Variants in TMTC2 observed in about 807,000 individuals in gnomAD.
TMTC2 encodes the protein protein O-mannosyl-transferase TMTC2.
In TMTC2, 43 loss-of-function variants were observed where a neutral mutation model predicts 82.4. The ratio of observed to expected loss-of-function variants is 0.52; its 90% CI spans 0.41 to 0.67. The LOEUF is 0.67. Among genes scored for constraint, TMTC2 ranks in the 30% least tolerant of loss-of-function variants. The probability of loss-of-function intolerance (pLI) is 0.00; values close to 1 mark genes in which losing one functional copy is unlikely to be tolerated. For missense variants in TMTC2, 919 were observed against 1,012.4 expected, an observed-to-expected ratio of 0.91 and a Z score of 1.25; for synonymous variants, 408 against 381.9, an observed-to-expected ratio of 1.07 and a Z score of -0.80.
At chr12:82,721,645 C>T (rs1306191497) in intron 1 of TMTC2, among the ~76,000 whole-genome samples, 2 of 152,022 alleles carry the variant, frequency 1.3e-5, no homozygotes, top group African/African-American at 4.8e-5. Flanking sequence ...TTAGCAAACT[C>T]CTTGACAAAA....
rs190870718 is a variant in TMTC2 at position 82,775,626 on chromosome 12, A to G, written c.84-81384A>G. 1.9e-3 allele frequency among the ~76,000 whole-genome samples: 282 copies of G among 152,300 alleles called. 1 individual carries two copies. Among genetic ancestry groups the G allele is most frequent in the Middle Eastern group, 3.4e-3 (1 of 294 alleles). On this transcript the variant is annotated intron_variant, in intron 1 of 11. Transcript: ENST00000321196. ...AAATACATAGAGTTCTAAGTAATGA[A>G]TAATGGTCACTGAAATTTTTCACAG...
chr12:82,976,135 A>G (rs942644070), intron 7 of TMTC2, among the ~76,000 whole-genome samples: 1 of 152,160 alleles, frequency 6.6e-6, no homozygotes, highest in Non-Finnish European at 1.5e-5. Flanking sequence ...AATTCTGAGC[A>G]TTTAATAGAA....
At chr12:83,072,047 G>A (rs1239852533) in intron 11 of TMTC2, among the ~76,000 whole-genome samples, 2 of 151,844 alleles carry the variant, frequency 1.3e-5, no homozygotes, top group Non-Finnish European at 2.9e-5. Context: ...TCTTCTGCTG[G>A]GTTTGGATTT....
chr12:82,700,308 C>T (rs1186347215), intron 1 of TMTC2, among the ~76,000 whole-genome samples: 1 of 152,122 alleles, frequency 6.6e-6, no homozygotes, highest in Non-Finnish European at 1.5e-5. Context: ...GTCTAGGATA[C>T]TTACTAAATA....
At chr12:82,886,689 G>C (rs1359091656) in intron 2 of TMTC2, among the ~76,000 whole-genome samples, 3 of 152,096 alleles carry the variant, frequency 2.0e-5, no homozygotes, top group Non-Finnish European at 4.4e-5. Flanking sequence ...GTTGGTGTGG[G>C]GGAGAAAACA....
At position 82,780,735 on chromosome 12, in the gene TMTC2, T is replaced by G. The variant is rs11115421; in HGVS notation, c.84-76275T>G. Among the ~76,000 whole-genome samples, 25 of 150,748 alleles carry G rather than the reference T, an allele frequency of 1.7e-4. No homozygotes were observed. In the East Asian group the frequency reaches 4.2e-3, roughly 26 times the overall value. On this transcript the variant is annotated intron_variant, in intron 1 of 11. Coordinates refer to ENST00000321196, the MANE Select transcript of TMTC2 (RefSeq NM_152588.3). ...ATGTGTTTGTATTCTCAGAGGCAAA[T>G]CTTAAAGAAGGCACGTGACACAAAA...
chr12:83,121,024 G>A (rs114964280), intron 11 of TMTC2, among the ~76,000 whole-genome samples: 3,224 of 152,064 alleles, frequency 0.021, 116 homozygotes, highest in African/African-American at 0.075. Context: ...CTTTACTTAT[G>A]CTATTTCAGT....
At position 82,954,475 on chromosome 12, in the gene TMTC2, G is replaced by A. The variant is rs1877512256; in HGVS notation, c.1599-10549G>A. On this transcript the variant is annotated intron_variant, in intron 4 of 11. Transcript: ENST00000321196. ...TTGGTAAGCTCCTTGTCAATGTTTA[G>A]TGTATTGTTAAGAGTGCTGCACATT... Among the ~76,000 whole-genome samples the A allele has an allele frequency of 3.9e-5, 6 of 152,286 alleles. No homozygotes were observed. In the South Asian group the frequency reaches 1.2e-3, roughly 32 times the overall value.
chr12:82,820,579 T>C (rs1206754145), intron 1 of TMTC2, among the ~76,000 whole-genome samples: 2 of 152,148 alleles, frequency 1.3e-5, no homozygotes, highest in Non-Finnish European at 1.5e-5. Flanking sequence ...TTTACCATAT[T>C]GGTCAGGCTG....
At chr12:82,944,266 C>T (rs1050540855) in intron 4 of TMTC2, among the ~76,000 whole-genome samples, 6 of 151,642 alleles carry the variant, frequency 4.0e-5, no homozygotes, top group South Asian at 2.1e-4. Context: ...TAGGGAATAC[C>T]GATATTTAAG....
chr12:82,885,484 C>T (rs1369529390), intron 2 of TMTC2, among the ~76,000 whole-genome samples: 1 of 151,926 alleles, frequency 6.6e-6, no homozygotes, highest in African/African-American at 2.4e-5. Flanking sequence ...ATCCTCCTAC[C>T]TCAGCCTCCT....
At chr12:82,752,398 A>G (rs2136967740) in intron 1 of TMTC2, among the ~76,000 whole-genome samples, 1 of 152,178 alleles carries the variant, frequency 6.6e-6, no homozygotes, top group Non-Finnish European at 1.5e-5. Flanking sequence ...AGGCAGGAGA[A>G]TCACTTGAAC....
chr12:82,892,701 C>T (rs1324443451), intron 2 of TMTC2, among the ~76,000 whole-genome samples: 1 of 152,168 alleles, frequency 6.6e-6, no homozygotes, highest in Non-Finnish European at 1.5e-5. Flanking sequence ...CTCTCTTCCT[C>T]TCTACATCCC....
At chr12:82,943,986 G>A (rs746817673) in intron 4 of TMTC2, among the ~76,000 whole-genome samples, 3 of 152,100 alleles carry the variant, frequency 2.0e-5, no homozygotes, top group Non-Finnish European at 4.4e-5. Flanking sequence ...GAAGGAAAGA[G>A]AAATGAAAAA....
At chr12:82,908,047 G>C (rs1157050819) in intron 3 of TMTC2, among the ~76,000 whole-genome samples, 1 of 152,114 alleles carries the variant, frequency 6.6e-6, no homozygotes, top group African/African-American at 2.4e-5. Flanking sequence ...AGGGGGCGGA[G>C]GTTGCAGTGA....
At position 83,132,614 on chromosome 12, in the gene TMTC2, C is replaced by T; in HGVS notation, c.*225C>T. The T allele has an allele frequency of 3.9e-6, 2 of 518,928 alleles. No individual in the cohort carries two copies. Among genetic ancestry groups the T allele is most frequent in the Non-Finnish European group, 6.6e-6 (2 of 300,778 alleles). 32.1% of individuals were successfully genotyped at this position (518,928 alleles called of 1,614,324 possible). On this transcript the variant is annotated 3_prime_UTR_variant, in exon 12 of 12. Transcript: ENST00000321196. ...CCTCCTGGAGGATGTCATTGTTACC[C>T]ATAGACTGTAAACCAGAGCACTTAA... is the stretch of plus-strand genomic sequence containing the variant.
chr12:82,798,000 C>T (rs1394579480), intron 1 of TMTC2, among the ~76,000 whole-genome samples: 3 of 144,774 alleles, frequency 2.1e-5, no homozygotes, highest in Non-Finnish European at 3.0e-5. Flanking sequence ...TGCAGTGGCG[C>T]GATCTCGGCT....
intron 8 of TMTC2, among the ~76,000 whole-genome samples, chr12:82,989,525 C>A (rs769523095): frequency 2.0e-5 from 3 of 151,502 alleles, no homozygotes; most frequent in Non-Finnish European, 4.4e-5. Context: ...AAAAAAAAAT[C>A]TAAAAGTTTC....
chr12:82,699,041 G>A (rs1259962609), intron 1 of TMTC2, among the ~76,000 whole-genome samples: 2 of 152,070 alleles, frequency 1.3e-5, no homozygotes, highest in Non-Finnish European at 2.9e-5. Flanking sequence ...GTTGACCATG[G>A]GTAACTGAAA....
Sources: gnomAD v4.1 joint callset for allele counts (sites outside exome capture counted in the v4.1 genomes callset) on GRCh38, gnomAD v4.1.1 for gene constraint, MANE v1.5 for transcripts, NCBI Gene and HGNC (gene_info 2026-07-23, HGNC 2026-07-21) for gene names.